The following RXFP2 variants were observed in gnomAD, a reference collection of about 807,000 sequenced individuals.
RXFP2 encodes relaxin receptor 2.
In RXFP2, 68 loss-of-function variants were observed where a neutral mutation model predicts 88.6. The ratio of observed to expected loss-of-function variants is 0.77; its 90% CI spans 0.63 to 0.94. RXFP2 has a LOEUF of 0.94. RXFP2 is among the 40% of genes least tolerant of loss of function. The pLI is 0.00. For synonymous variants in RXFP2, 329 were observed against 306.8 expected (o/e 1.07, Z -0.76); for missense variants, 791 against 893.9 (o/e 0.88, Z 1.47).
At chr13:31,791,708 G>T in intron 14 of RXFP2, 98 bp from the exon 15 acceptor site, 2 of 828,230 alleles carry the variant, frequency 2.4e-6, no homozygotes, top group African/African-American at 1.7e-5. Flanking sequence ...ACCTAGTGAA[G>T]TTGTATACCT....
At chr13:31,793,656 T>C (rs1010096626) in intron 16 of RXFP2, among the ~76,000 whole-genome samples, 6 of 152,190 alleles carry the variant, frequency 3.9e-5, no homozygotes, top group African/African-American at 1.4e-4. Context: ...TCTTTAGAAA[T>C]GAATGACAAA....
chr13:31,792,595 A>G (rs1229913194), intron 15 of RXFP2, 83 bp from the exon 16 acceptor site: 2 of 1,335,082 alleles, frequency 1.5e-6, no homozygotes, highest in African/African-American at 2.9e-5. Context: ...TAGAAAATTA[A>G]AATGCTGGAA....
intron 16 of RXFP2, among the ~76,000 whole-genome samples, chr13:31,795,627 G>T (rs774730177): frequency 6.6e-6 from 1 of 152,150 alleles, no homozygotes; most frequent in African/African-American, 2.4e-5. Flanking sequence ...CATTGAATAC[G>T]AAATGATTTG....
intron 5 of RXFP2, among the ~76,000 whole-genome samples, chr13:31,768,147 T>C (rs905304541): frequency 3.3e-5 from 5 of 152,216 alleles, no homozygotes; most frequent in African/African-American, 1.2e-4. Context: ...GCAATTTCTC[T>C]AAGTAAATGT....
chr13:31,784,976 A>G (rs1873457905), intron 11 of RXFP2, among the ~76,000 whole-genome samples: 1 of 152,162 alleles, frequency 6.6e-6, no homozygotes, highest in Non-Finnish European at 1.5e-5. Flanking sequence ...CTGACAGAAT[A>G]ATCATTCCAT....
intron 14 of RXFP2, among the ~76,000 whole-genome samples, chr13:31,789,830 G>A (rs1873714464): frequency 6.6e-6 from 1 of 152,176 alleles, no homozygotes; most frequent in Admixed American, 6.5e-5. Flanking sequence ...TACAGCAAGT[G>A]GATGAAATGG....
chr13:31,776,253 CTT>C (rs149978498), intron 7 of RXFP2, among the ~76,000 whole-genome samples: 68 of 84,382 alleles, frequency 8.1e-4, no homozygotes, highest in East Asian at 2.0e-3. Context: ...CTCTTTCCTT[CTT>C]TTTTTTTTTT....
intron 2 of RXFP2, among the ~76,000 whole-genome samples, chr13:31,759,430 A>AAAGAAAGAAAGAAAGAAAG (rs1593451693): frequency 3.5e-5 from 5 of 143,130 alleles, no homozygotes; most frequent in Admixed American, 1.4e-4. Context: ...AGAAAGAAAG[A>AAAGAAAGAAAGAAAGAAAG]AAGAAAGAAA....
At chr13:31,782,402 A>G (rs1278285620) in intron 10 of RXFP2, among the ~76,000 whole-genome samples, 1 of 152,218 alleles carries the variant, frequency 6.6e-6, no homozygotes, top group African/African-American at 2.4e-5. Context: ...GAAAATTAAA[A>G]GAGACATTTT....
At chr13:31,758,219 C>T in intron 1 of RXFP2, 39 bp from the exon 2 acceptor site, 3 of 1,612,482 alleles carry the variant, frequency 1.9e-6, no homozygotes, top group Non-Finnish European at 2.5e-6. Context: ...GAGAGCTTGG[C>T]CATGGTAACA....
chr13:31,772,386 G>A (rs1000652109), intron 5 of RXFP2, among the ~76,000 whole-genome samples: 5 of 152,008 alleles, frequency 3.3e-5, no homozygotes, highest in Non-Finnish European at 5.9e-5. Context: ...CTTTAGTTTC[G>A]GGTACATAAA....
chr13:31,789,806 G>T (rs1460616459), intron 14 of RXFP2, among the ~76,000 whole-genome samples: 1 of 152,342 alleles, frequency 6.6e-6, no homozygotes, highest in Admixed American at 6.5e-5. Context: ...TTCAATGTAA[G>T]ATTACAAGTT....
At chr13:31,796,249 C>T (rs1016106454) in intron 16 of RXFP2, among the ~76,000 whole-genome samples, 6 of 150,606 alleles carry the variant, frequency 4.0e-5, no homozygotes, top group Non-Finnish European at 8.9e-5. Context: ...CGGGGTTTCA[C>T]CTTGTTAGCC....
At chr13:31,791,377 ACT>A (rs905570398) in intron 14 of RXFP2, among the ~76,000 whole-genome samples, 3 of 151,948 alleles carry the variant, frequency 2.0e-5, no homozygotes, top group Non-Finnish European at 2.9e-5. Context: ...GGTGTTTAAA[ACT>A]CAGGACAAGA....
intron 1 of RXFP2, among the ~76,000 whole-genome samples, chr13:31,747,352 A>G (rs565053639): frequency 6.6e-6 from 1 of 152,358 alleles, no homozygotes; most frequent in South Asian, 2.1e-4. Context: ...GATGTTGCCA[A>G]GCAAGTTTTT....
At chr13:31,764,284 C>CACACACACACACACACAT (rs762385260) in intron 3 of RXFP2, among the ~76,000 whole-genome samples, 2 of 150,322 alleles carry the variant, frequency 1.3e-5, no homozygotes, top group African/African-American at 4.9e-5. Context: ...CACACACACA[C>CACACACACACACACACAT]ACACAGTGAC....
intron 16 of RXFP2, among the ~76,000 whole-genome samples, chr13:31,794,256 T>A (rs1434394091): frequency 6.6e-6 from 1 of 152,102 alleles, no homozygotes; most frequent in Non-Finnish European, 1.5e-5. Flanking sequence ...CATAGATATG[T>A]CATTCCCAGG....
intron 1 of RXFP2, among the ~76,000 whole-genome samples, chr13:31,744,531 C>G (rs1455955809): frequency 6.6e-6 from 1 of 152,210 alleles, no homozygotes; most frequent in Non-Finnish European, 1.5e-5. Flanking sequence ...TCTCCATTAG[C>G]CATGCCCCTC....
At chr13:31,797,441 C>T in intron 17 of RXFP2, 22 bp downstream of exon 17, 2 of 1,549,456 alleles carry the variant, frequency 1.3e-6, no homozygotes, top group Non-Finnish European at 1.8e-6. Flanking sequence ...CTATCATTCC[C>T]AAGTATAATA....
Sources: allele counts gnomAD v4.1 joint callset (sites outside exome capture counted in the v4.1 genomes callset), GRCh38; gene constraint gnomAD v4.1.1; transcripts MANE v1.5; gene names NCBI Gene and HGNC (gene_info 2026-07-23, HGNC 2026-07-21).